Variants in PKHD1 observed in about 807,000 individuals in gnomAD.
PKHD1 encodes the protein fibrocystin.
Under a neutral mutation model 412.0 loss-of-function variants are expected in PKHD1, and 291 were observed. That is an observed-to-expected ratio of 0.71 (90% CI 0.64 to 0.78). PKHD1 has a LOEUF of 0.78. PKHD1 is among the 30% of genes least tolerant of loss of function. PKHD1 has a pLI of 0.00. For missense variants in PKHD1, 4,825 were observed against 4,950.7 expected, an observed-to-expected ratio of 0.97 and a Z score of 0.76; for synonymous variants, 1,777 against 1,821.5, an observed-to-expected ratio of 0.98 and a Z score of 0.62.
intron 60 of PKHD1, among the ~76,000 whole-genome samples, chr6:51,685,263 C>T (rs1373758803): frequency 9.9e-5 from 15 of 151,966 alleles, no homozygotes; most frequent in Admixed American, 4.6e-4. Flanking sequence ...ACTTCAACCT[C>T]GTTATTCTTA....
chr6:51,699,330 CA>C (rs1197773158), intron 60 of PKHD1, among the ~76,000 whole-genome samples: 4 of 152,144 alleles, frequency 2.6e-5, no homozygotes, highest in Non-Finnish European at 5.9e-5. Flanking sequence ...CAGTTGCAAT[CA>C]TACAGGATGT....
chr6:51,960,533 T>C (rs1791856868), intron 35 of PKHD1, among the ~76,000 whole-genome samples: 1 of 152,190 alleles, frequency 6.6e-6, no homozygotes, highest in Non-Finnish European at 1.5e-5. Context: ...CATTTTTCAC[T>C]GGCTCTACTG....
At chr6:51,857,964 A>AG (rs990095843) in intron 48 of PKHD1, among the ~76,000 whole-genome samples, 8 of 152,192 alleles carry the variant, frequency 5.3e-5, no homozygotes, top group Admixed American at 3.3e-4. Context: ...TCTTGTGAGG[A>AG]GGGGAAAATG....
chr6:51,722,172 C>T (rs1782008437), intron 60 of PKHD1: 2 of 1,333,994 alleles, frequency 1.5e-6, no homozygotes, highest in African/African-American at 2.9e-5. Flanking sequence ...CATGCCCGCC[C>T]TCAGTGTGGA....
chr6:52,087,322 T>A (rs1424647676), intron 1 of PKHD1, 112 bp downstream of exon 1: 1 of 152,164 alleles, frequency 6.6e-6, no homozygotes, highest in East Asian at 1.9e-4. Flanking sequence ...GGGACAAAGT[T>A]GCAAGGCACT....
chr6:51,908,671 G>C (rs1406670013), intron 40 of PKHD1, among the ~76,000 whole-genome samples: 3 of 152,174 alleles, frequency 2.0e-5, no homozygotes, highest in African/African-American at 7.2e-5. Context: ...TTTTCACCTA[G>C]TTGTTCTCAC....
chr6:52,003,475 T>C (rs1039843407), intron 35 of PKHD1, among the ~76,000 whole-genome samples: 1 of 152,160 alleles, frequency 6.6e-6, no homozygotes, highest in Non-Finnish European at 1.5e-5. Context: ...CCCTTCCTAC[T>C]TGTGATCTAT....
chr6:51,653,292 C>G lies in PKHD1; in HGVS notation c.11175-4072G>C, dbSNP rs539740890. ...CATGGTCCTGATGCTCCCTTTTAAG[C>G]CTATCTAGGCTTTCTTAGCAAATAG... On this transcript the variant is annotated intron_variant, in intron 61 of 66. Coordinates refer to ENST00000371117, the MANE Select transcript of PKHD1 (RefSeq NM_138694.4). 3.9e-5 allele frequency among the ~76,000 whole-genome samples: 6 copies of G among 152,206 alleles called. No homozygotes were observed. The South Asian group carries it at 1.2e-3, about 32-fold the overall frequency.
At chr6:51,836,265 C>T (rs1769191237) in intron 51 of PKHD1, 139 bp downstream of exon 51, 4 of 713,448 alleles carry the variant, frequency 5.6e-6, no homozygotes, top group Middle Eastern at 2.3e-4. Context: ...CAGGGCAACA[C>T]AATAGAGAGT....
intron 37 of PKHD1, among the ~76,000 whole-genome samples, chr6:51,922,329 G>A (rs1784832251): frequency 1.3e-5 from 2 of 152,216 alleles, no homozygotes; most frequent in African/African-American, 4.8e-5. Context: ...CTTCATCTCA[G>A]AGGGGCACCC....
chr6:51,762,619 C>T (rs72899407), intron 55 of PKHD1, among the ~76,000 whole-genome samples: 48,379 of 151,042 alleles, frequency 0.32, 9,602 homozygotes, highest in East Asian at 0.7. Flanking sequence ...GAAACTTTTC[C>T]TCCGAAGTTT....
At chr6:51,908,800 C>T (rs560261504) in intron 40 of PKHD1, among the ~76,000 whole-genome samples, 8 of 152,176 alleles carry the variant, frequency 5.3e-5, no homozygotes, top group Middle Eastern at 3.4e-3. Context: ...CCCCTCATTT[C>T]CCCAGGCAAA....
rs777490215 is a variant in PKHD1, at chr6:52,025,401, C to G, written c.4409G>C (p.Ser1470Thr). ...NVTVLVNGLT[S>T]ECQGNCTLFI... ...AAGAGTGCAATTCCCCTGACACTCGCTGGTTAGCCCATTGACCAGGACTGT... is the reference window on the plus strand; with the variant it reads ...AAGAGTGCAATTCCCCTGACACTCGGTGGTTAGCCCATTGACCAGGACTGT... The change falls in exon 32 of 67, where the codon AGC becomes ACC. Residue 1470 changes from serine (S) to threonine (T), a missense_variant. Ser to Thr is a moderately conservative substitution (Grantham distance 58, BLOSUM62 1). Transcript: ENST00000371117. The G allele has an allele frequency of 6.2e-7, 1 of 1,610,386 alleles. No individual in the cohort carries two copies. Among genetic ancestry groups the G allele is most frequent in the Non-Finnish European group, 8.5e-7 (1 of 1,177,414 alleles).
chr6:51,824,520 C>T (rs1158650327), intron 52 of PKHD1, among the ~76,000 whole-genome samples: 1 of 152,094 alleles, frequency 6.6e-6, no homozygotes, highest in Non-Finnish European at 1.5e-5. Context: ...AAGAAATTGC[C>T]TAAAAGGAAG....
chr6:51,891,657 G>A (rs1779143607), intron 43 of PKHD1, among the ~76,000 whole-genome samples: 1 of 151,086 alleles, frequency 6.6e-6, no homozygotes, highest in Admixed American at 6.6e-5. Context: ...ACCCCCAACA[G>A]GAGAAGAACT....
chr6:51,809,983 T>C (rs923213930), intron 52 of PKHD1, among the ~76,000 whole-genome samples: 1 of 152,030 alleles, frequency 6.6e-6, no homozygotes, highest in African/African-American at 2.4e-5. Context: ...TCTCCAGTAA[T>C]AGAAATAAGA....
intron 4 of PKHD1, 125 bp from the exon 5 acceptor site, chr6:52,080,133 A>G: frequency 1.4e-6 from 1 of 708,604 alleles, no homozygotes; most frequent in South Asian, 1.5e-5. Flanking sequence ...GATTCCCAGC[A>G]GTCACCTTTC....
chr6:51,793,914 G>A (rs1794152676), intron 52 of PKHD1, among the ~76,000 whole-genome samples: 1 of 152,136 alleles, frequency 6.6e-6, no homozygotes, highest in South Asian at 2.1e-4. Context: ...GGGTCGAATG[G>A]TATTTCTGCC....
At chr6:51,894,867 A>C (rs894962828) in intron 43 of PKHD1, among the ~76,000 whole-genome samples, 2 of 152,206 alleles carry the variant, frequency 1.3e-5, no homozygotes, top group Non-Finnish European at 2.9e-5. Context: ...CATTGGAGGG[A>C]GCTAGATGAA....
Sources: allele counts gnomAD v4.1 joint callset (sites outside exome capture counted in the v4.1 genomes callset), GRCh38; gene constraint gnomAD v4.1.1; transcripts MANE v1.5; gene names NCBI Gene and HGNC (gene_info 2026-07-23, HGNC 2026-07-21).